TENM1: variants seen among roughly 807,000 people sequenced by gnomAD.
The protein encoded by TENM1 is teneurin-1.
TENM1 carries 35 observed loss-of-function variants against 174.8 expected under a neutral mutation model. The observed-to-expected ratio is 0.20, with a 90% confidence interval of 0.15 to 0.27. The LOEUF is 0.27. TENM1 is among the 10% of genes least tolerant of loss of function. The pLI is 1.00. For synonymous variants in TENM1, 781 were observed against 798.7 expected (o/e 0.98, Z 0.37); for missense variants, 1,633 against 2,130.1 (o/e 0.77, Z 4.59).
upstream of TENM1, among the ~76,000 whole-genome samples, chrX:124,967,974 A>AT (rs1471514172): frequency 2.7e-5 from 3 of 112,140 alleles, no homozygotes; most frequent in Non-Finnish European, 5.6e-5. Flanking sequence ...GGGAAAATAA[A>AT]TTTGACAAGG....
the TENM1 span, among the ~76,000 whole-genome samples, chrX:125,129,180 C>T: frequency 1.9e-4 from 21 of 111,914 alleles, no homozygotes; most frequent in African/African-American, 6.2e-4. Context: ...TGATCTCAGA[C>T]GTCTAGACTC....
exon 3 of TENM1, chrX:124,894,307 C>A (rs1353078406): frequency 1.7e-6 from 2 of 1,196,712 alleles, no homozygotes; most frequent in African/African-American, 3.6e-5. Flanking sequence ...TTGAGTAGAC[C>A]CAGCTTGAGC....
chrX:124,841,621 TAAA>T (rs761346749), intron 3 of TENM1, among the ~76,000 whole-genome samples: 112 of 83,084 alleles, frequency 1.3e-3, no homozygotes, highest in Middle Eastern at 6.2e-3. Flanking sequence ...TGTGAATGAT[TAAA>T]AAAAAAAAAA....
chrX:124,434,522 G>C (rs2060814221), intron 23 of TENM1, among the ~76,000 whole-genome samples: 1 of 112,110 alleles, frequency 8.9e-6, no homozygotes, highest in Admixed American at 9.4e-5. Flanking sequence ...CTCTGAGTCT[G>C]CTGTGTAATT....
At chrX:125,183,620 C>T in the TENM1 span, among the ~76,000 whole-genome samples, 1 of 111,183 alleles carries the variant, frequency 9.0e-6, no homozygotes, top group South Asian at 3.8e-4. Context: ...AGAGAAGAAG[C>T]ACAGCAGCAT....
chrX:124,433,472 T>C (rs1025223450), intron 23 of TENM1, among the ~76,000 whole-genome samples: 2 of 111,785 alleles, frequency 1.8e-5, no homozygotes, highest in African/African-American at 3.3e-5. Context: ...CCATGACTCC[T>C]TCATTTAGAT....
chrX:125,123,320 C>A, the TENM1 span, among the ~76,000 whole-genome samples: 2 of 110,453 alleles, frequency 1.8e-5, no homozygotes, highest in Non-Finnish European at 3.8e-5. Context: ...TGTGGTGGTT[C>A]ACCCCCAGAA....
At chrX:124,961,879 C>T (rs1459856719) in intron 1 of TENM1, among the ~76,000 whole-genome samples, 7 of 110,613 alleles carry the variant, frequency 6.3e-5, no homozygotes, top group Non-Finnish European at 1.3e-4. Context: ...GGTGAGATCC[C>T]GGTAGACCAG....
chrX:125,077,430 G>A, the TENM1 span, among the ~76,000 whole-genome samples: 1 of 111,309 alleles, frequency 9.0e-6, no homozygotes, highest in Non-Finnish European at 1.9e-5. Flanking sequence ...TTATTTGGAT[G>A]AAGATTTAGA....
chrX:124,651,123 T>A (rs1373746784), intron 8 of TENM1, among the ~76,000 whole-genome samples: 1 of 112,028 alleles, frequency 8.9e-6, no homozygotes, highest in Non-Finnish European at 1.9e-5. Context: ...TTAAAAGACA[T>A]GTGTTTTAGG....
At chrX:124,734,829 A>G (rs934644405) in intron 4 of TENM1, among the ~76,000 whole-genome samples, 1 of 112,298 alleles carries the variant, frequency 8.9e-6, no homozygotes, top group African/African-American at 3.2e-5. Flanking sequence ...ATCAAGTAGT[A>G]TATTATACCC....
intron 3 of TENM1, among the ~76,000 whole-genome samples, chrX:124,775,169 G>T (rs2054751674): frequency 9.1e-6 from 1 of 110,136 alleles, no homozygotes; most frequent in Non-Finnish European, 1.9e-5. Context: ...AGCCAGGTGT[G>T]GTGGCGTGCA....
chrX:124,529,528 G>T (rs1031525915), intron 16 of TENM1, among the ~76,000 whole-genome samples: 1 of 111,567 alleles, frequency 9.0e-6, no homozygotes, highest in African/African-American at 3.3e-5. Context: ...ATATTTGGGG[G>T]TTACTATGGA....
At chrX:125,065,596 T>A in the TENM1 span, among the ~76,000 whole-genome samples, 1 of 112,483 alleles carries the variant, frequency 8.9e-6, no homozygotes, top group Non-Finnish European at 1.9e-5. Context: ...ATGGCTGGTA[T>A]CATCACTTAC....
the TENM1 span, among the ~76,000 whole-genome samples, chrX:125,185,327 C>G: frequency 8.9e-6 from 1 of 111,998 alleles, no homozygotes; most frequent in African/African-American, 3.2e-5. Flanking sequence ...GCTGTTCCTA[C>G]ACACTCTGCA....
intron 25 of TENM1, among the ~76,000 whole-genome samples, chrX:124,411,112 AC>A (rs908504661): frequency 9.0e-6 from 1 of 111,340 alleles, no homozygotes; most frequent in Non-Finnish European, 1.9e-5. Flanking sequence ...CCACCCAAAC[AC>A]CTTTTCAGCT....
chrX:124,837,216 G>A (rs2056409698), intron 3 of TENM1, among the ~76,000 whole-genome samples: 1 of 112,081 alleles, frequency 8.9e-6, no homozygotes. Context: ...AGCCTCCCAA[G>A]TAGCTGGGAT....
At chrX:125,136,406 T>C in the TENM1 span, among the ~76,000 whole-genome samples, 5 of 111,996 alleles carry the variant, frequency 4.5e-5, no homozygotes, top group Admixed American at 9.5e-5. Flanking sequence ...TTGCATCATC[T>C]CCTTTAATTC....
At chrX:124,854,521 G>A (rs922487482) in intron 3 of TENM1, among the ~76,000 whole-genome samples, 1 of 111,201 alleles carries the variant, frequency 9.0e-6, no homozygotes, top group African/African-American at 3.3e-5. Context: ...GAAAATGGAG[G>A]CAGATTATTT....
Sources: allele counts gnomAD v4.1 joint callset (sites outside exome capture counted in the v4.1 genomes callset), GRCh38; gene constraint gnomAD v4.1.1; transcripts MANE v1.5; gene names NCBI Gene and HGNC (gene_info 2026-07-23, HGNC 2026-07-21).